Variants in NRXN1 observed in about 807,000 individuals in gnomAD.
The protein encoded by NRXN1 is neurexin 1.
In NRXN1, 39 loss-of-function variants were observed where a neutral mutation model predicts 150.9. That is an observed-to-expected ratio of 0.26 (90% CI 0.20 to 0.34). NRXN1 has a LOEUF of 0.34. Among genes scored for constraint, NRXN1 ranks in the 10% least tolerant of loss-of-function variants. NRXN1 has a pLI of 1.00. For synonymous variants in NRXN1, 924 were observed against 757.0 expected (o/e 1.22, Z -3.62); for missense variants, 1,815 against 1,949.9 (o/e 0.93, Z 1.30).
At chr2:50,806,068 A>G (rs1016569257) in intron 5 of NRXN1, among the ~76,000 whole-genome samples, 1 of 152,208 alleles carries the variant, frequency 6.6e-6, no homozygotes, top group Non-Finnish European at 1.5e-5. Context: ...TGAAGGAATA[A>G]TTTATTGCAT....
intron 5 of NRXN1, among the ~76,000 whole-genome samples, chr2:50,729,807 G>A (rs1180172218): frequency 6.6e-6 from 1 of 152,158 alleles, no homozygotes; most frequent in Admixed American, 6.5e-5. Flanking sequence ...GTCTGCTTCA[G>A]AGTCACAATT....
At chr2:50,021,686 G>A (rs942454702) in intron 21 of NRXN1, among the ~76,000 whole-genome samples, 2 of 152,078 alleles carry the variant, frequency 1.3e-5, no homozygotes, top group Non-Finnish European at 2.9e-5. Flanking sequence ...TTTCTCAAAT[G>A]TATTCAGTAA....
intron 21 of NRXN1, among the ~76,000 whole-genome samples, chr2:50,012,431 G>A (rs991072479): frequency 1.3e-5 from 2 of 151,972 alleles, no homozygotes; most frequent in African/African-American, 4.8e-5. Flanking sequence ...TATTAGTCAT[G>A]GTGTCATCTC....
intron 16 of NRXN1, among the ~76,000 whole-genome samples, chr2:50,467,809 A>G (rs34466775): frequency 6.6e-6 from 1 of 151,534 alleles, no homozygotes; most frequent in Non-Finnish European, 1.5e-5. Context: ...GTAATAAAGA[A>G]CTAAGAACTA....
chr2:50,753,666 G>T (rs908236761), intron 5 of NRXN1, among the ~76,000 whole-genome samples: 1 of 151,720 alleles, frequency 6.6e-6, no homozygotes, highest in Non-Finnish European at 1.5e-5. Context: ...AAGATTATCT[G>T]AAAATAAAGA....
At chr2:50,228,618 G>C (rs1030601201) in intron 18 of NRXN1, among the ~76,000 whole-genome samples, 2 of 151,982 alleles carry the variant, frequency 1.3e-5, no homozygotes, top group South Asian at 2.1e-4. Context: ...TTATTTGATA[G>C]CTAAAATTCA....
At chr2:50,413,977 C>A (rs925040818) in intron 17 of NRXN1, among the ~76,000 whole-genome samples, 1 of 137,726 alleles carries the variant, frequency 7.3e-6, no homozygotes, top group Admixed American at 8.3e-5. Flanking sequence ...ATCTGAAAAT[C>A]AAAACAATTG....
intron 17 of NRXN1, among the ~76,000 whole-genome samples, chr2:50,360,108 C>A (rs1056166405): frequency 2.6e-5 from 4 of 152,248 alleles, no homozygotes; most frequent in Middle Eastern, 6.8e-3. Context: ...CTGAAGGAAG[C>A]ACTAAATATG....
At chr2:50,165,358 C>A (rs1350220716) in intron 18 of NRXN1, among the ~76,000 whole-genome samples, 1 of 151,024 alleles carries the variant, frequency 6.6e-6, no homozygotes, top group Non-Finnish European at 1.5e-5. Flanking sequence ...ATTTTTTTTT[C>A]TTTTTCTTTA....
intron 5 of NRXN1, among the ~76,000 whole-genome samples, chr2:50,743,075 T>G (rs955787064): frequency 6.6e-6 from 1 of 152,196 alleles, no homozygotes; most frequent in Non-Finnish European, 1.5e-5. Flanking sequence ...ATTTTCACTA[T>G]AGAGAGATGA....
At chr2:49,963,279 T>A (rs946681446) in intron 21 of NRXN1, among the ~76,000 whole-genome samples, 1 of 152,196 alleles carries the variant, frequency 6.6e-6, no homozygotes, top group East Asian at 1.9e-4. Flanking sequence ...ATTTTACTGC[T>A]ATGTATTGGC....
At chr2:50,985,706 G>T (rs1163821811) in intron 2 of NRXN1, among the ~76,000 whole-genome samples, 1 of 151,636 alleles carries the variant, frequency 6.6e-6, no homozygotes, top group East Asian at 1.9e-4. Context: ...AAATACAGGA[G>T]AATTGAGATA....
In NRXN1 at chr2:50,936,091, T is replaced by C. The variant is rs531358979; in HGVS notation, c.773-10136A>G. Among the ~76,000 whole-genome samples, 7 of 152,298 alleles carry C rather than the reference T, an allele frequency of 4.6e-5. No homozygotes were observed. In the South Asian group the frequency reaches 1.0e-3, roughly 23 times the overall value. ...AATGAATAACATTTAATCTAACATT[T>C]AATCCATATGTCCCAAGCATATGAG... On this transcript the variant is annotated intron_variant, in intron 2 of 22. Transcript: ENST00000401669.
At chr2:50,726,480 T>G (rs1697376667) in intron 5 of NRXN1, among the ~76,000 whole-genome samples, 1 of 152,232 alleles carries the variant, frequency 6.6e-6, no homozygotes, top group Admixed American at 6.5e-5. Flanking sequence ...AGGAGGATGA[T>G]AGTTACATTT....
chr2:50,403,703 A>C (rs889722450), intron 17 of NRXN1, among the ~76,000 whole-genome samples: 2 of 152,124 alleles, frequency 1.3e-5, no homozygotes, highest in African/African-American at 4.8e-5. Flanking sequence ...GCTTTGTAAT[A>C]CTAATTTTAA....
intron 5 of NRXN1, chr2:50,624,807 C>G (rs1680717374): frequency 6.6e-6 from 1 of 151,808 alleles, no homozygotes; most frequent in African/African-American, 2.4e-5. Flanking sequence ...TTATTCTTTA[C>G]CAGATTTAGG....
chr2:50,214,325 C>A (rs890548871), intron 18 of NRXN1, among the ~76,000 whole-genome samples: 1 of 151,924 alleles, frequency 6.6e-6, no homozygotes, highest in Non-Finnish European at 1.5e-5. Context: ...CTTTAGCATA[C>A]GTCTTTCTCT....
intron 21 of NRXN1, among the ~76,000 whole-genome samples, chr2:49,975,173 C>T (rs1678739246): frequency 6.6e-6 from 1 of 151,064 alleles, no homozygotes; most frequent in Non-Finnish European, 1.5e-5. Context: ...GTGATGAGAC[C>T]GGTGTGTGTT....
chr2:50,686,962 AACTC>A (rs1691320893), intron 5 of NRXN1, among the ~76,000 whole-genome samples: 1 of 152,176 alleles, frequency 6.6e-6, no homozygotes, highest in African/African-American at 2.4e-5. Context: ...GAAGATGCAA[AACTC>A]TTTATACTTC....
Sources: gnomAD v4.1 joint callset for allele counts (sites outside exome capture counted in the v4.1 genomes callset) on GRCh38, gnomAD v4.1.1 for gene constraint, MANE v1.5 for transcripts, NCBI Gene and HGNC (gene_info 2026-07-23, HGNC 2026-07-21) for gene names.